The following RSPH14 variants were observed in gnomAD, a reference collection of about 807,000 sequenced individuals.
The protein encoded by RSPH14 is rhabdoid tumor deletion region gene 1.
Under a neutral mutation model 26.7 loss-of-function variants are expected in RSPH14, and 20 were observed. The observed-to-expected ratio is 0.75, with a 90% CI of 0.53 to 1.09. The LOEUF is 1.09. Ranked by LOEUF, RSPH14 falls within the 50% of genes least tolerant of loss-of-function variation. The pLI, the probability that RSPH14 is intolerant of heterozygous loss-of-function variation, is 0.00. For synonymous variants in RSPH14, 177 were observed against 189.3 expected (o/e 0.93, Z 0.53); for missense variants, 449 against 457.2 (o/e 0.98, Z 0.16).
At chr22:23,175,820 A>G in the RSPH14 span, among the ~76,000 whole-genome samples, 1 of 152,174 alleles carries the variant, frequency 6.6e-6, no homozygotes, top group East Asian at 1.9e-4. Context: ...TGCCGGCCTC[A>G]TGATGCCAGA....
intron 4 of RSPH14, among the ~76,000 whole-genome samples, chr22:23,073,385 C>T (rs2146245793): frequency 6.6e-6 from 1 of 152,324 alleles, no homozygotes; most frequent in South Asian, 2.1e-4. Flanking sequence ...GCGGCCTGGG[C>T]AGAATGAAGA....
upstream of RSPH14, chr22:23,146,582 C>A (rs1409071298): frequency 6.2e-7 from 1 of 1,611,960 alleles, no homozygotes; most frequent in Admixed American, 1.7e-5. Context: ...CCTTAACTGT[C>A]TTTCTCCTGG....
At chr22:23,091,815 T>C (rs1328370669) in intron 4 of RSPH14, among the ~76,000 whole-genome samples, 1 of 152,256 alleles carries the variant, frequency 6.6e-6, no homozygotes, top group African/African-American at 2.4e-5. Flanking sequence ...AAGGGCTCAG[T>C]TGGACTTCTG....
chr22:23,113,880 A>C (rs1569183232), intron 4 of RSPH14, among the ~76,000 whole-genome samples: 1 of 152,236 alleles, frequency 6.6e-6, no homozygotes, highest in Non-Finnish European at 1.5e-5. Flanking sequence ...AGCCAAGGGC[A>C]GGCACCCGCT....
the RSPH14 span, among the ~76,000 whole-genome samples, chr22:23,179,517 C>T: frequency 7.2e-5 from 11 of 152,298 alleles, no homozygotes; most frequent in African/African-American, 2.6e-4. Context: ...TGGCCGCCCC[C>T]TTAGAGGGAG....
At chr22:23,136,173 G>A (rs761988387) in intron 3 of RSPH14, 5 of 679,740 alleles carry the variant, frequency 7.4e-6, no homozygotes, top group Admixed American at 2.2e-5. Context: ...GTTTGCCTGT[G>A]TGCCTCCTCA....
intron 4 of RSPH14, among the ~76,000 whole-genome samples, chr22:23,103,596 C>T (rs1017377451): frequency 5.3e-5 from 8 of 152,218 alleles, no homozygotes; most frequent in Non-Finnish European, 8.8e-5. Flanking sequence ...CGCTCTTCCT[C>T]GGCAGATTTA....
chr22:23,096,483 A>G, intron 4 of RSPH14: 3 of 1,507,478 alleles, frequency 2.0e-6, no homozygotes, highest in Non-Finnish European at 2.7e-6. Flanking sequence ...AAGCAAGAGG[A>G]CTCGTGAGGT....
At chr22:23,153,942 G>T in the RSPH14 span, among the ~76,000 whole-genome samples, 1 of 152,054 alleles carries the variant, frequency 6.6e-6, no homozygotes, top group Non-Finnish European at 1.5e-5. Context: ...ACCCGCTTCA[G>T]CCTCCCAAAG....
At chr22:23,060,717 A>G (rs2068077368) in intron 6 of RSPH14, among the ~76,000 whole-genome samples, 1 of 151,962 alleles carries the variant, frequency 6.6e-6, no homozygotes, top group African/African-American at 2.4e-5. Flanking sequence ...AGCCCTTCCC[A>G]GAGGCGACTT....
chr22:23,117,794 C>T (rs1269438309), intron 4 of RSPH14, among the ~76,000 whole-genome samples: 1 of 152,228 alleles, frequency 6.6e-6, no homozygotes, highest in East Asian at 1.9e-4. Context: ...GTGAGTAAAC[C>T]CCAGACCCTG....
chr22:23,151,077 G>C, the RSPH14 span, among the ~76,000 whole-genome samples: 9 of 152,256 alleles, frequency 5.9e-5, no homozygotes, highest in African/African-American at 2.2e-4. Context: ...TCTGCTCAGG[G>C]AGTTGGCTGA....
intron 4 of RSPH14, among the ~76,000 whole-genome samples, chr22:23,087,330 G>A (rs1210323029): frequency 2.0e-5 from 3 of 152,206 alleles, no homozygotes; most frequent in Non-Finnish European, 2.9e-5. Flanking sequence ...GCTGGGCGTG[G>A]TGGCGCGTGC....
Position 23,095,131 on chromosome 22 carries a change from G to A in RSPH14, c.422-30998C>T, listed in dbSNP as rs1325552364. ...AGAGGGGGTTGGATGGATTGTTGCC[G>A]GCTCATTTTCCAAGGCCAGTCTCTG... On this transcript the variant is annotated intron_variant, in intron 4 of 6. Transcript: ENST00000216036. 5 of 158,510 alleles carry A rather than the reference G, an allele frequency of 3.2e-5. No homozygotes were observed. The East Asian group carries it at 5.7e-4, about 18-fold the overall frequency. 9.8% of individuals were successfully genotyped at this position (158,510 alleles called of 1,614,324 possible).
intron 4 of RSPH14, chr22:23,131,048 A>T (rs1317991252): frequency 6.6e-6 from 1 of 152,608 alleles, no homozygotes; most frequent in East Asian, 1.9e-4. Flanking sequence ...GTCCTTTTGC[A>T]GTACAGGAGT....
intron 4 of RSPH14, among the ~76,000 whole-genome samples, chr22:23,075,089 C>G (rs1219993089): frequency 2.0e-5 from 3 of 152,302 alleles, no homozygotes; most frequent in South Asian, 2.1e-4. Flanking sequence ...GCCCAGGAAG[C>G]TGGCTGGTCA....
intron 4 of RSPH14, chr22:23,133,128 C>T (rs1168310401): frequency 6.6e-6 from 1 of 152,126 alleles, no homozygotes; most frequent in Non-Finnish European, 1.5e-5. Context: ...TATACATGTC[C>T]ATCAAAAGAC....
the RSPH14 span, among the ~76,000 whole-genome samples, chr22:23,167,853 C>G: frequency 6.6e-6 from 1 of 151,848 alleles, no homozygotes. Flanking sequence ...GCTTCATTGA[C>G]TAATTCTCAT....
intron 3 of RSPH14, among the ~76,000 whole-genome samples, chr22:23,135,234 A>G (rs1044357824): frequency 2.6e-5 from 4 of 150,944 alleles, no homozygotes; most frequent in African/African-American, 7.3e-5. Flanking sequence ...AGCACTTTGG[A>G]AGGCCAAGGT....
Sources: gnomAD v4.1 joint callset for allele counts (sites outside exome capture counted in the v4.1 genomes callset) on GRCh38, gnomAD v4.1.1 for gene constraint, MANE v1.5 for transcripts, NCBI Gene and HGNC (gene_info 2026-07-23, HGNC 2026-07-21) for gene names.